Variants in IL1RAPL2 observed in about 807,000 individuals in gnomAD.
The protein encoded by IL1RAPL2 is interleukin 1 receptor accessory protein like 2.
Under a neutral mutation model 44.1 loss-of-function variants are expected in IL1RAPL2, and 3 were observed. That is an observed-to-expected ratio of 0.07 (90% confidence interval 0.03 to 0.18). The LOEUF (loss-of-function observed/expected upper bound fraction) is 0.18. Among genes scored for constraint, IL1RAPL2 ranks in the 10% least tolerant of loss-of-function variants. The pLI is 1.00. For missense variants in IL1RAPL2, 391 were observed against 496.4 expected (o/e 0.79, Z 2.02); for synonymous variants, 181 against 178.8 (o/e 1.01, Z -0.10).
intron 6 of IL1RAPL2, among the ~76,000 whole-genome samples, chrX:105,648,827 C>G (rs2037624333): frequency 9.0e-6 from 1 of 111,055 alleles, no homozygotes; most frequent in Non-Finnish European, 1.9e-5. Flanking sequence ...TTCTGTGAAG[C>G]CACTGAAAAG....
At chrX:104,914,349 T>A (rs1265290237) in intron 2 of IL1RAPL2, among the ~76,000 whole-genome samples, 2 of 111,797 alleles carry the variant, frequency 1.8e-5, no homozygotes, top group East Asian at 2.8e-4. Context: ...GCTTTTTACC[T>A]CATTTGCATC....
rs190236705 is a variant in IL1RAPL2 at position 104,901,234 on chromosome X, G to A, written c.82+242239G>A. Among the ~76,000 whole-genome samples the A allele has an allele frequency of 7.6e-3, 534 of 70,616 alleles. 6 individuals are homozygous for A. The highest frequency in any genetic ancestry group is 0.036 in the South Asian group (40 of 1,107). 61.3% of individuals were successfully genotyped at this position (70,616 alleles called of 115,157 possible). A position where few individuals can be genotyped will look rare whatever the true frequency, so the allele number is the denominator to read the frequency against. On this transcript the variant is annotated intron_variant, in intron 2 of 10. Coordinates refer to ENST00000372582, the MANE Select transcript of IL1RAPL2 (RefSeq NM_017416.2). ...TTTTTTTTTTTTTTTTTTTTGAGAC[G>A]GACTCTCGCTCTGTTGCTCAGGCTG...
intron 5 of IL1RAPL2, among the ~76,000 whole-genome samples, chrX:105,447,969 A>G (rs934824072): frequency 9.2e-4 from 93 of 101,011 alleles, no homozygotes; most frequent in African/African-American, 3.2e-3. Context: ...TAAATATATT[A>G]AAAATATAAA....
intron 2 of IL1RAPL2, among the ~76,000 whole-genome samples, chrX:104,925,217 CA>C (rs372080675): frequency 0.14 from 9,491 of 65,999 alleles, 538 homozygotes; most frequent in Non-Finnish European, 0.2. Flanking sequence ...TGTCTCCCAC[CA>C]AAAAAAAAAA....
chrX:104,951,077 C>T (rs1009085224), intron 2 of IL1RAPL2, among the ~76,000 whole-genome samples: 11 of 111,934 alleles, frequency 9.8e-5, no homozygotes, highest in Admixed American at 2.8e-4. Flanking sequence ...CGCCCACTGT[C>T]TGGCACTCCC....
At chrX:104,635,356 G>A (rs1324404269) in intron 1 of IL1RAPL2, among the ~76,000 whole-genome samples, 3 of 109,880 alleles carry the variant, frequency 2.7e-5, no homozygotes, top group East Asian at 2.9e-4. Context: ...TCTTTGTGGC[G>A]TTCTCTGTAT....
At chrX:105,237,788 T>A (rs1041389340) in intron 4 of IL1RAPL2, among the ~76,000 whole-genome samples, 1 of 111,564 alleles carries the variant, frequency 9.0e-6, no homozygotes, top group Non-Finnish European at 1.9e-5. Flanking sequence ...ATTCTGTAGG[T>A]TGCCTGTTGA....
chrX:104,724,472 T>A (rs1042826080), intron 2 of IL1RAPL2, among the ~76,000 whole-genome samples: 1 of 110,962 alleles, frequency 9.0e-6, no homozygotes, highest in Non-Finnish European at 1.9e-5. Context: ...AATAAAAAAA[T>A]TAGCATGGTG....
At chrX:105,399,582 G>A in intron 5 of IL1RAPL2, among the ~76,000 whole-genome samples, 1 of 110,788 alleles carries the variant, frequency 9.0e-6, no homozygotes, top group Non-Finnish European at 1.9e-5. Flanking sequence ...CACAAAGTCT[G>A]GCATATAATA....
At chrX:105,591,298 G>A (rs1326887484) in intron 6 of IL1RAPL2, among the ~76,000 whole-genome samples, 1 of 108,844 alleles carries the variant, frequency 9.2e-6, no homozygotes, top group African/African-American at 3.3e-5. Flanking sequence ...TTATTTGGAT[G>A]TTCTCTCTTT....
chrX:105,010,639 T>C (rs1347183454), intron 2 of IL1RAPL2, among the ~76,000 whole-genome samples: 1 of 111,487 alleles, frequency 9.0e-6, no homozygotes. Flanking sequence ...CCATCATGAA[T>C]GTTTTTGAAG....
intron 5 of IL1RAPL2, among the ~76,000 whole-genome samples, chrX:105,317,348 G>A (rs1270680432): frequency 1.8e-5 from 2 of 111,912 alleles, no homozygotes; most frequent in African/African-American, 6.5e-5. Context: ...TGATCCATTT[G>A]CATGGGGTTT....
At chrX:104,971,963 G>A (rs1025552048) in intron 2 of IL1RAPL2, among the ~76,000 whole-genome samples, 11 of 111,321 alleles carry the variant, frequency 9.9e-5, no homozygotes, top group African/African-American at 2.9e-4. Context: ...TGTGGTTATG[G>A]GGTGTGACTT....
At chrX:105,242,370 G>C (rs782337869) in intron 4 of IL1RAPL2, among the ~76,000 whole-genome samples, 27 of 112,248 alleles carry the variant, frequency 2.4e-4, no homozygotes, top group Non-Finnish European at 4.5e-4. Flanking sequence ...TTTGATTTAA[G>C]CACTTATTCC....
At chrX:105,365,122 G>A (rs1484194484) in intron 5 of IL1RAPL2, among the ~76,000 whole-genome samples, 1 of 111,608 alleles carries the variant, frequency 9.0e-6, no homozygotes, top group Non-Finnish European at 1.9e-5. Context: ...GATGTTGAGT[G>A]TTATTGCAGG....
intron 5 of IL1RAPL2, among the ~76,000 whole-genome samples, chrX:105,464,454 T>C (rs1204337282): frequency 9.0e-6 from 1 of 111,711 alleles, no homozygotes; most frequent in Non-Finnish European, 1.9e-5. Flanking sequence ...AATTTTACCA[T>C]AGGCTAATCC....
chrX:104,828,516 G>A (rs964422403), intron 2 of IL1RAPL2, among the ~76,000 whole-genome samples: 6 of 111,556 alleles, frequency 5.4e-5, no homozygotes, highest in Non-Finnish European at 1.9e-5. Flanking sequence ...GTCCCAGAGG[G>A]GCACCTGCCA....
intron 2 of IL1RAPL2, among the ~76,000 whole-genome samples, chrX:104,924,459 A>C (rs1924727372): frequency 8.9e-6 from 1 of 112,088 alleles, no homozygotes; most frequent in African/African-American, 3.2e-5. Flanking sequence ...GCCATAAAGT[A>C]AGTCTCAATA....
At chrX:105,069,517 G>C (rs1020564971) in intron 2 of IL1RAPL2, among the ~76,000 whole-genome samples, 2 of 111,860 alleles carry the variant, frequency 1.8e-5, no homozygotes, top group Non-Finnish European at 3.8e-5. Context: ...AAAAGAAATG[G>C]GAACATTATG....
Sources: allele counts gnomAD v4.1 joint callset (sites outside exome capture counted in the v4.1 genomes callset), GRCh38; gene constraint gnomAD v4.1.1; transcripts MANE v1.5; gene names NCBI Gene and HGNC (gene_info 2026-07-23, HGNC 2026-07-21).